Variants in ITGB1BP1 observed in about 807,000 individuals in gnomAD.
ITGB1BP1 encodes the protein integrin subunit beta 1 binding protein 1, also known as integrin beta-1-binding protein 1.
Under a neutral mutation model 28.0 loss-of-function variants are expected in ITGB1BP1, and 20 were observed. The ratio of observed to expected loss-of-function variants is 0.71; its 90% CI spans 0.50 to 1.04. The LOEUF is 1.04. Among genes scored for constraint, ITGB1BP1 ranks in the 50% least tolerant of loss-of-function variants. The pLI, the probability that ITGB1BP1 is intolerant of heterozygous loss-of-function variation, is 0.00. For missense variants in ITGB1BP1, 228 were observed against 242.5 expected (o/e 0.94, Z 0.40); for synonymous variants, 103 against 89.5 (o/e 1.15, Z -0.85).
rs990894588 is a variant in ITGB1BP1, at chr2:9,404,761, CTTTTTG to C, written c.*2067_*2072del. 9.4e-5 allele frequency: 14 copies of C among 148,840 alleles called. No individual in the cohort carries two copies. Among genetic ancestry groups the C allele is most frequent in the African/African-American group, 2.7e-4 (11 of 40,284 alleles). 9.2% of individuals were successfully genotyped at this position (148,840 alleles called of 1,614,324 possible). ...AGTTTTTTTTTTTTTTGGCATTGTA[CTTTTTG>C]TTTTTGTTATAAAGGAAGACAGAAC... On this transcript the variant is annotated 3_prime_UTR_variant, in exon 7 of 7. Transcript: ENST00000355346.
intron 1 of ITGB1BP1, chr2:9,422,919 G>A (rs1250556609): frequency 2.0e-6 from 2 of 986,072 alleles, no homozygotes; most frequent in Non-Finnish European, 2.4e-6. Context: ...CGGGGCCTAG[G>A]GAGAGCCGGC....
At chr2:9,419,987 T>C (rs999723326) in intron 1 of ITGB1BP1, 27 of 837,080 alleles carry the variant, frequency 3.2e-5, no homozygotes, top group Middle Eastern at 6.0e-4. Context: ...AAAATCTGCT[T>C]ACTATAGAAT....
At chr2:9,408,066 T>TC (rs771803629) in intron 5 of ITGB1BP1, 47 bp downstream of exon 5, 12 of 1,049,586 alleles carry the variant, frequency 1.1e-5, no homozygotes, top group Non-Finnish European at 1.6e-5. Flanking sequence ...TGGCCTGAAT[T>TC]CCCTGTTATC....
At chr2:9,419,667 T>C (rs1270082450) in intron 1 of ITGB1BP1, among the ~76,000 whole-genome samples, 1 of 152,200 alleles carries the variant, frequency 6.6e-6, no homozygotes, top group African/African-American at 2.4e-5. Flanking sequence ...GGACAGCATA[T>C]ACTATACTTG....
At chr2:9,422,372 C>G (rs1163270221) in intron 1 of ITGB1BP1, 6 of 982,338 alleles carry the variant, frequency 6.1e-6, no homozygotes, top group Non-Finnish European at 7.3e-6. Flanking sequence ...GTTCATTGAT[C>G]TCAGCAAGGC....
chr2:9,412,164 G>T, intron 4 of ITGB1BP1, 105 bp downstream of exon 4: 2 of 932,592 alleles, frequency 2.1e-6, no homozygotes, highest in Non-Finnish European at 3.3e-6. Context: ...GAGAGCAAGC[G>T]GAGCGGCACC....
intron 6 of ITGB1BP1, 167 bp downstream of exon 6, chr2:9,407,282 T>C: frequency 1.4e-6 from 1 of 711,158 alleles, no homozygotes; most frequent in Non-Finnish European, 2.3e-6. Flanking sequence ...TTCACAAACC[T>C]GCACTGTCTT....
rs2148852493 is a variant in ITGB1BP1 at position 9,405,629 on chromosome 2, C to A, written c.*1205G>T. 1 of 152,646 alleles carries A rather than the reference C, an allele frequency of 6.6e-6. No homozygotes were observed. Among genetic ancestry groups the A allele is most frequent in the South Asian group, 2.1e-4 (1 of 4,822 alleles). 9.5% of individuals were successfully genotyped at this position (152,646 alleles called of 1,614,324 possible). On this transcript the variant is annotated 3_prime_UTR_variant, in exon 7 of 7. Coordinates refer to ENST00000355346, the MANE Select transcript of ITGB1BP1 (RefSeq NM_004763.5). ...GAGCATGTTTAATAAGTTTACTCTT[C>A]TTGTTAACTAGTCATTTGACTGGAA...
intron 6 of ITGB1BP1, chr2:9,407,151 GCAA>G: frequency 1.7e-6 from 1 of 598,888 alleles, no homozygotes; most frequent in Non-Finnish European, 3.0e-6. Flanking sequence ...GTCTAGGAGG[GCAA>G]CAACGTTCGG....
chr2:9,403,556 C>T lies in ITGB1BP1; in HGVS notation c.*3278G>A. ...GCATTTATTAGGAAAAACTGAATTT[C>T]CCAACAGGTGAACTGAAAAGTTATT... On this transcript the variant is annotated 3_prime_UTR_variant, in exon 7 of 7. Coordinates refer to ENST00000355346, the MANE Select transcript of ITGB1BP1 (RefSeq NM_004763.5). 1 of 516,172 alleles carries T rather than the reference C, an allele frequency of 1.9e-6. No homozygotes were observed. Among genetic ancestry groups the T allele is most frequent in the Non-Finnish European group, 3.4e-6 (1 of 293,258 alleles). The allele number at this position is 516,172 out of a possible 1,614,324, so 32.0% of individuals were successfully genotyped here. A position where few individuals can be genotyped will look rare whatever the true frequency, so the allele number is the denominator to read the frequency against.
intron 6 of ITGB1BP1, 67 bp from the exon 7 acceptor site, chr2:9,406,972 G>A: frequency 8.3e-7 from 1 of 1,210,534 alleles, no homozygotes; most frequent in Non-Finnish European, 1.2e-6. Flanking sequence ...AATTTGGCTA[G>A]CAGAGGCACA....
rs117827848 is a variant in ITGB1BP1, at chr2:9,420,624, C to A, written c.-35-1892G>T. Among the ~76,000 whole-genome samples, 173 of 152,178 alleles carry A rather than the reference C, an allele frequency of 1.1e-3. 4 individuals are homozygous for A. In the East Asian group the frequency reaches 0.031, roughly 27 times the overall value. ...TAAATAGCCTGGAGGCAATGCCGTG[C>A]GGGTGGAGAGGGGCCCGAGGGAACA... On this transcript the variant is annotated intron_variant, in intron 1 of 6. Transcript: ENST00000355346.
rs937897325 is a variant in ITGB1BP1, at chr2:9,404,759, T to C, written c.*2075A>G. On this transcript the variant is annotated 3_prime_UTR_variant, in exon 7 of 7. Coordinates refer to ENST00000355346, the MANE Select transcript of ITGB1BP1 (RefSeq NM_004763.5). ...AGAGTTTTTTTTTTTTTTGGCATTG[T>C]ACTTTTTGTTTTTGTTATAAAGGAA... is the stretch of plus-strand genomic sequence containing the variant. 13 of 152,316 alleles carry C rather than the reference T, an allele frequency of 8.5e-5. No individual in the cohort carries two copies. The highest frequency in any genetic ancestry group is 2.2e-4 in the African/African-American group (9 of 41,338). 9.4% of individuals were successfully genotyped at this position (152,316 alleles called of 1,614,324 possible). A position where few individuals can be genotyped will look rare whatever the true frequency, so the allele number is the denominator to read the frequency against.
chr2:9,408,474 G>A, intron 4 of ITGB1BP1: 1 of 313,176 alleles, frequency 3.2e-6, no homozygotes. Context: ...TGCAACGTCT[G>A]CCTCCTTGGT....
In ITGB1BP1 at chr2:9,420,624, C is replaced by G. The variant is rs117827848; in HGVS notation, c.-35-1892G>C. Among the ~76,000 whole-genome samples the G allele has an allele frequency of 2.9e-3, 436 of 152,178 alleles. 2 individuals are homozygous for G. The highest frequency in any genetic ancestry group is 9.6e-3 in the African/African-American group (398 of 41,520). On this transcript the variant is annotated intron_variant, in intron 1 of 6. Coordinates refer to ENST00000355346, the MANE Select transcript of ITGB1BP1 (RefSeq NM_004763.5). Reference sequence around the variant, plus strand: ...TAAATAGCCTGGAGGCAATGCCGTGCGGGTGGAGAGGGGCCCGAGGGAACA... The same window carrying G: ...TAAATAGCCTGGAGGCAATGCCGTGGGGGTGGAGAGGGGCCCGAGGGAACA...
intron 1 of ITGB1BP1, chr2:9,422,434 C>A (rs777245835): frequency 5.4e-5 from 53 of 985,478 alleles, no homozygotes; most frequent in Non-Finnish European, 6.3e-5. Context: ...TGCTTTGCAC[C>A]GCCCGGGACG....
chr2:9,412,180 G>C (rs577765781), intron 4 of ITGB1BP1, 89 bp downstream of exon 4: 2 of 1,132,858 alleles, frequency 1.8e-6, no homozygotes, highest in South Asian at 2.7e-5. Context: ...GCACCCAGTG[G>C]ACCCGAGGAG....
rs1680175520 is a variant in ITGB1BP1 at position 9,423,524 on chromosome 2, A to C, written c.-187T>G. 8.4e-7 allele frequency: 1 copy of C among 1,194,052 alleles called. No homozygotes were observed. The highest frequency in any genetic ancestry group is 1.1e-6 in the Non-Finnish European group (1 of 921,292). 74.0% of individuals were successfully genotyped at this position (1,194,052 alleles called of 1,614,324 possible). On this transcript the variant is annotated 5_prime_UTR_variant, in exon 1 of 7. Transcript: ENST00000355346. ...ACGTCCGCCGGGCCGCGCCTCCAAG[A>C]CTATGCGCAGGCGCAGTCCTGACGT... is the stretch of plus-strand genomic sequence containing the variant.
Position 9,406,628 on chromosome 2 carries a change from C to A in ITGB1BP1, c.*206G>T, listed in dbSNP as rs1677421115. 2 of 562,968 alleles carry A rather than the reference C, an allele frequency of 3.6e-6. No individual in the cohort carries two copies. Among genetic ancestry groups the A allele is most frequent in the Non-Finnish European group, 6.3e-6 (2 of 315,756 alleles). 34.9% of individuals were successfully genotyped at this position (562,968 alleles called of 1,614,324 possible). A position where few individuals can be genotyped will look rare whatever the true frequency, so the allele number is the denominator to read the frequency against. On this transcript the variant is annotated 3_prime_UTR_variant, in exon 7 of 7. Transcript: ENST00000355346. Reference sequence around the variant, plus strand: ...AAAAAGACAAATGAAGTTTTTTAGCCCAGAAAATAGATGACTTCATTGAGA... The same window carrying A: ...AAAAAGACAAATGAAGTTTTTTAGCACAGAAAATAGATGACTTCATTGAGA...
Sources: allele counts gnomAD v4.1 joint callset (sites outside exome capture counted in the v4.1 genomes callset), GRCh38; gene constraint gnomAD v4.1.1; transcripts MANE v1.5; gene names NCBI Gene and HGNC (gene_info 2026-07-23, HGNC 2026-07-21).